SNX27: variants seen among roughly 807,000 people sequenced by gnomAD.
The protein encoded by SNX27 is sorting nexin-27.
In SNX27, 22 loss-of-function variants were observed where a neutral mutation model predicts 71.6. The observed-to-expected ratio is 0.31, with a 90% confidence interval of 0.22 to 0.44. The LOEUF (loss-of-function observed/expected upper bound fraction) is 0.44. Ranked by LOEUF, SNX27 falls within the 20% of genes least tolerant of loss-of-function variation. SNX27 has a pLI of 1.00. For missense variants in SNX27, 531 were observed against 698.6 expected (o/e 0.76, Z 2.70); for synonymous variants, 269 against 277.2 (o/e 0.97, Z 0.29).
intron 1 of SNX27, among the ~76,000 whole-genome samples, chr1:151,615,123 C>T (rs1244465042): frequency 1.3e-5 from 2 of 152,182 alleles, no homozygotes; most frequent in African/African-American, 4.8e-5. Context: ...AGAACTTTGT[C>T]ACTTTTAGTG....
In SNX27 at chr1:151,672,877, T is replaced by C. The variant is rs187194038; in HGVS notation, c.1149+4242T>C. Among the ~76,000 whole-genome samples, 846 of 152,042 alleles carry C rather than the reference T, an allele frequency of 5.6e-3. 7 individuals are homozygous for C. Among genetic ancestry groups the C allele is most frequent in the African/African-American group, 0.02 (811 of 41,556 alleles). On this transcript the variant is annotated intron_variant, in intron 7 of 11. Coordinates refer to ENST00000458013, the MANE Select transcript of SNX27 (RefSeq NM_001330723.2). Reference sequence around the variant, plus strand: ...TTTTATTTGGATCTTCTTTTTTTTTTCTTAATCTGGCTAAAGGTTTGTCTG... The same window carrying C: ...TTTTATTTGGATCTTCTTTTTTTTTCCTTAATCTGGCTAAAGGTTTGTCTG...
At chr1:151,673,673 G>C (rs567145171) in intron 7 of SNX27, among the ~76,000 whole-genome samples, 14 of 152,194 alleles carry the variant, frequency 9.2e-5, no homozygotes, top group Admixed American at 3.9e-4. Flanking sequence ...CTCTTTAGCT[G>C]TAATAATATT....
rs148414593 is a variant in SNX27 at position 151,691,120 on chromosome 1, A to C, written c.1240-1315A>C. Among the ~76,000 whole-genome samples, 293 of 152,222 alleles carry C rather than the reference A, an allele frequency of 1.9e-3. 2 individuals carry two copies. The highest frequency in any genetic ancestry group is 6.6e-3 in the African/African-American group (275 of 41,538). Reference sequence around the variant, plus strand: ...TGTTTATCACTGATCTAGGAAGGACAATAAAAAAGAGAAAGTGAAATAGAA... The same window carrying C: ...TGTTTATCACTGATCTAGGAAGGACCATAAAAAAGAGAAAGTGAAATAGAA... On this transcript the variant is annotated intron_variant, in intron 8 of 11. Coordinates refer to ENST00000458013, the MANE Select transcript of SNX27 (RefSeq NM_001330723.2).
At chr1:151,675,234 G>A (rs1670631525) in intron 7 of SNX27, among the ~76,000 whole-genome samples, 1 of 150,700 alleles carries the variant, frequency 6.6e-6, no homozygotes, top group Non-Finnish European at 1.5e-5. Context: ...GTTTCCCTTT[G>A]ATCTCATGGG....
chr1:151,625,980 TG>T (rs1429924739), intron 1 of SNX27, among the ~76,000 whole-genome samples: 2 of 151,178 alleles, frequency 1.3e-5, no homozygotes, highest in African/African-American at 4.9e-5. Flanking sequence ...AATAAAAGAT[TG>T]GGCCGGGCGC....
At chr1:151,615,005 A>G (rs1419877503) in intron 1 of SNX27, among the ~76,000 whole-genome samples, 1 of 152,332 alleles carries the variant, frequency 6.6e-6, no homozygotes, top group Admixed American at 6.5e-5. Context: ...TCCCCTAGGA[A>G]AGGTAGAAGG....
At position 151,692,432 on chromosome 1, in the gene SNX27, T is replaced by TTTTTTC; in HGVS notation, c.1240-3_1240-2insTTTTTC. 1 of 1,452,074 alleles carries TTTTTTC rather than the reference T, an allele frequency of 6.9e-7. No individual in the cohort carries two copies. Among genetic ancestry groups the TTTTTTC allele is most frequent in the Middle Eastern group, 2.0e-4 (1 of 5,040 alleles). 89.9% of individuals were successfully genotyped at this position (1,452,074 alleles called of 1,614,324 possible). ...TTTTTTTTTTTTTTTTTTTTTTTTTTAGTACCTCAACATGCTAAGGACTTG... is the reference window on the plus strand; with the variant it reads ...TTTTTTTTTTTTTTTTTTTTTTTTTTTTTTTCAGTACCTCAACATGCTAAGGACTTG... On this transcript the variant is annotated splice_polypyrimidine_tract_variant and splice_region_variant and intron_variant, in intron 8 of 11. Coordinates refer to ENST00000458013, the MANE Select transcript of SNX27 (RefSeq NM_001330723.2).
intron 5 of SNX27, among the ~76,000 whole-genome samples, chr1:151,663,805 T>C (rs1192547892): frequency 1.3e-5 from 2 of 152,148 alleles, no homozygotes; most frequent in African/African-American, 4.8e-5. Context: ...GGTGGTGAAA[T>C]CTGATGTTTT....
At chr1:151,648,116 G>C (rs1449910742) in intron 2 of SNX27, among the ~76,000 whole-genome samples, 2 of 151,940 alleles carry the variant, frequency 1.3e-5, no homozygotes, top group African/African-American at 4.8e-5. Flanking sequence ...ATGCAGTAGT[G>C]CAATCTTGGC....
intron 1 of SNX27, among the ~76,000 whole-genome samples, chr1:151,621,554 C>G (rs1050745803): frequency 5.3e-5 from 8 of 152,216 alleles, no homozygotes; most frequent in Non-Finnish European, 1.2e-4. Flanking sequence ...TAGCTTACTT[C>G]CCTCTGGAAA....
rs80102518 is a variant in SNX27, at chr1:151,639,047, C to T, written c.471C>T (p.Tyr157=). 7 of 1,614,122 alleles carry T rather than the reference C, an allele frequency of 4.3e-6. No individual in the cohort carries two copies. In the Admixed American group the frequency reaches 1.0e-4, roughly 23 times the overall value. ...DDSLGQSFYD[Y]TEKQAVPISV... is the part of the protein sequence containing the mutation. ...CGTTGGGACAATCATTTTATGATTA[C>T]ACAGAAAAGCAAGCAGTGCCCATAT... The change falls in exon 2 of 12, where the codon TAC becomes TAT. Residue 157 remains tyrosine, a synonymous_variant. Coordinates refer to ENST00000458013, the MANE Select transcript of SNX27 (RefSeq NM_001330723.2).
intron 2 of SNX27, among the ~76,000 whole-genome samples, chr1:151,649,539 T>TA (rs1669226407): frequency 6.6e-6 from 1 of 152,202 alleles, no homozygotes; most frequent in Admixed American, 6.5e-5. Flanking sequence ...GCTGTGGTCA[T>TA]ACCACTCCAC....
intron 10 of SNX27, 187 bp downstream of exon 10, chr1:151,693,226 A>G (rs1671539831): frequency 2.1e-6 from 2 of 961,816 alleles, no homozygotes; most frequent in South Asian, 3.3e-5. Flanking sequence ...GCAATTTCCT[A>G]TCCCACTTGG....
chr1:151,691,205 C>A (rs1247908689), intron 8 of SNX27, among the ~76,000 whole-genome samples: 1 of 151,984 alleles, frequency 6.6e-6, no homozygotes, highest in Non-Finnish European at 1.5e-5. Context: ...ATAGCGTGAA[C>A]CCAGGAGGTG....
intron 6 of SNX27, among the ~76,000 whole-genome samples, chr1:151,667,478 A>G (rs1194714061): frequency 6.6e-6 from 1 of 152,146 alleles, no homozygotes; most frequent in African/African-American, 2.4e-5. Context: ...GAGAATTGCC[A>G]CATGAGAGAC....
rs144207803 is a variant in SNX27, at chr1:151,686,463, G to A, written c.1239+3018G>A. 2.8e-3 allele frequency among the ~76,000 whole-genome samples: 422 copies of A among 152,282 alleles called. 2 individuals carry two copies. The highest frequency in any genetic ancestry group is 0.019 in the East Asian group (99 of 5,180). Reference sequence around the variant, plus strand: ...TTGATAGACAGATATGTTTCCCCATGGTCTTTTGCCATTGTGTATAAAATA... The same window carrying A: ...TTGATAGACAGATATGTTTCCCCATAGTCTTTTGCCATTGTGTATAAAATA... On this transcript the variant is annotated intron_variant, in intron 8 of 11. Transcript: ENST00000458013.
intron 2 of SNX27, among the ~76,000 whole-genome samples, chr1:151,643,785 C>T (rs766761093): frequency 2.0e-5 from 3 of 151,946 alleles, no homozygotes; most frequent in Non-Finnish European, 2.9e-5. Context: ...CTCAGCCTCC[C>T]GAGTAGTTGT....
In SNX27 at chr1:151,658,325, GC is replaced by G; in HGVS notation, c.636del (p.Asn213ThrfsTer20). The G allele has an allele frequency of 6.2e-7, 1 of 1,614,152 alleles. No homozygotes were observed. Among genetic ancestry groups the G allele is most frequent in the South Asian group, 1.1e-5 (1 of 91,086 alleles). ...ACACCAGAACCTGAAGAGAGAGTTT[GC>G]CAACTTTACATTTCCTCGACTCCCA... ...ILHQNLKREFANFTFPRLPGK... is the reference protein window; with the variant it reads ...ILHQNLKREFXNFTFPRLPGK... On this transcript the variant is annotated frameshift_variant, in exon 3 of 12. Coordinates refer to ENST00000458013, the MANE Select transcript of SNX27 (RefSeq NM_001330723.2). LOFTEE classifies it high-confidence loss of function.
chr1:151,683,933 C>T (rs1671078599), intron 8 of SNX27, among the ~76,000 whole-genome samples: 1 of 152,132 alleles, frequency 6.6e-6, no homozygotes, highest in African/African-American at 2.4e-5. Context: ...TCCCAAAGTG[C>T]TGGGATTACA....
Sources: allele counts gnomAD v4.1 joint callset (sites outside exome capture counted in the v4.1 genomes callset), GRCh38; gene constraint gnomAD v4.1.1; transcripts MANE v1.5; gene names NCBI Gene and HGNC (gene_info 2026-07-23, HGNC 2026-07-21).